The following B3GNT7 variants were observed in gnomAD, a reference collection of about 807,000 sequenced individuals.
B3GNT7 encodes UDP-GlcNAc:betaGal beta-1,3-N-acetylglucosaminyltransferase 7.
B3GNT7 carries 9 observed loss-of-function variants against 5.1 expected under a neutral mutation model. The ratio of observed to expected loss-of-function variants is 1.77; its 90% CI spans 1.07 to 3.09. B3GNT7 has a LOEUF of 3.09. Ranked by LOEUF, B3GNT7 falls within the 30% of genes most tolerant of loss-of-function variation. The pLI is 0.00. For missense variants in B3GNT7, 468 were observed against 550.8 expected (o/e 0.85, Z 1.50); for synonymous variants, 253 against 248.6 (o/e 1.02, Z -0.17).
In B3GNT7 at chr2:231,399,210, C is replaced by G. The variant is rs1351809416; in HGVS notation, c.*285C>G. ...CCTGGCAGCCCTCCTGACCTGGGTC[C>G]GTTGCTGGCCCCCTCAGATGTGGTG... On this transcript the variant is annotated 3_prime_UTR_variant, in exon 2 of 2. Transcript: ENST00000287590. 2 of 459,964 alleles carry G rather than the reference C, an allele frequency of 4.3e-6. No individual in the cohort carries two copies. Among genetic ancestry groups the G allele is most frequent in the East Asian group, 7.6e-5 (2 of 26,342 alleles). 28.5% of individuals were successfully genotyped at this position (459,964 alleles called of 1,614,324 possible).
rs1047182725 is a variant in B3GNT7, at chr2:231,400,480, C to G, written c.*1555C>G. 5.9e-5 allele frequency: 9 copies of G among 152,244 alleles called. No individual in the cohort carries two copies. The highest frequency in any genetic ancestry group is 2.2e-4 in the African/African-American group (9 of 41,426). 9.4% of individuals were successfully genotyped at this position (152,244 alleles called of 1,614,324 possible). On this transcript the variant is annotated 3_prime_UTR_variant, in exon 2 of 2. Transcript: ENST00000287590. ...TCGGCCGTACAGAGGCCGGTGGGCT[C>G]CCTGACATCCCTTCCAGGCAACCTG...
intron 1 of B3GNT7, among the ~76,000 whole-genome samples, chr2:231,396,900 G>T (rs894002270): frequency 1.3e-5 from 2 of 152,226 alleles, no homozygotes; most frequent in South Asian, 2.1e-4. Flanking sequence ...GGGGTGGGGG[G>T]GTCTCTGGGC....
Position 231,399,009 on chromosome 2 carries a change from T to C in B3GNT7, c.*84T>C. On this transcript the variant is annotated 3_prime_UTR_variant, in exon 2 of 2. Transcript: ENST00000287590. ...GGGCTGGAGCCACAGTGCCCAGGCC[T>C]AGCCTTTGGTCCCCAAGGGGAGGTG... The C allele has an allele frequency of 1.6e-6, 2 of 1,246,082 alleles. No homozygotes were observed. Among genetic ancestry groups the C allele is most frequent in the Non-Finnish European group, 2.2e-6 (2 of 921,102 alleles). 77.2% of individuals were successfully genotyped at this position (1,246,082 alleles called of 1,614,324 possible).
rs554164344 is a variant in B3GNT7, at chr2:231,400,315, C to G, written c.*1390C>G. Reference sequence around the variant, plus strand: ...GTACGGCAACAGAAAAACCTGGGAGCTAGCAATGCACCCAGCCCTTGACTG... The same window carrying G: ...GTACGGCAACAGAAAAACCTGGGAGGTAGCAATGCACCCAGCCCTTGACTG... On this transcript the variant is annotated 3_prime_UTR_variant, in exon 2 of 2. Transcript: ENST00000287590. 6.6e-6 allele frequency: 1 copy of G among 152,282 alleles called. No individual in the cohort carries two copies. The highest frequency in any genetic ancestry group is 1.5e-5 in the Non-Finnish European group (1 of 68,090). 9.4% of individuals were successfully genotyped at this position (152,282 alleles called of 1,614,324 possible). A position where few individuals can be genotyped will look rare whatever the true frequency, so the allele number is the denominator to read the frequency against.
rs1016920343 is a variant in B3GNT7, at chr2:231,401,020, C to G, written c.*2095C>G. On this transcript the variant is annotated 3_prime_UTR_variant, in exon 2 of 2. Coordinates refer to ENST00000287590, the MANE Select transcript of B3GNT7 (RefSeq NM_145236.3). Reference sequence around the variant, plus strand: ...CCCCCAGTCACGTTCCTCACGCTTACTTGATCTATTATGACCCTTTCACGT... The same window carrying G: ...CCCCCAGTCACGTTCCTCACGCTTAGTTGATCTATTATGACCCTTTCACGT... 1.3e-5 allele frequency: 2 copies of G among 152,206 alleles called. No individual in the cohort carries two copies. The highest frequency in any genetic ancestry group is 2.9e-5 in the Non-Finnish European group (2 of 68,046). The allele number at this position is 152,206 out of a possible 1,614,324, so 9.4% of individuals were successfully genotyped here. A position where few individuals can be genotyped will look rare whatever the true frequency, so the allele number is the denominator to read the frequency against.
At chr2:231,397,536 G>A (rs914325756) in intron 1 of B3GNT7, among the ~76,000 whole-genome samples, 195 bp from the exon 2 acceptor site, 1 of 152,090 alleles carries the variant, frequency 6.6e-6, no homozygotes, top group Non-Finnish European at 1.5e-5. Flanking sequence ...TTGAGGAGAG[G>A]GCAGGGTGGG....
Position 231,398,734 on chromosome 2 carries a change from G to A in B3GNT7, c.1015G>A (p.Val339Met), listed in dbSNP as rs1291689277. 3.1e-6 allele frequency: 5 copies of A among 1,611,014 alleles called. No homozygotes were observed. Among genetic ancestry groups the A allele is most frequent in the African/African-American group, 1.3e-5 (1 of 74,940 alleles). Residue 339 changes from valine to methionine, a missense_variant, in exon 2 of 2, where the codon GTG (valine) becomes ATG (methionine). Val to Met is a conservative substitution (Grantham distance 21). Coordinates refer to ENST00000287590, the MANE Select transcript of B3GNT7 (RefSeq NM_145236.3). The stretch of plus-strand genomic sequence containing the variant: ...GGGCATGTGCCTGGAGGTGCTGGGC[G>A]TGCAGCCCACGGCCCACGAGGGCTT... ...FLGMCLEVLG[V>M]QPTAHEGFKT... is the part of the protein sequence containing the mutation.
At chr2:231,396,962 T>C (rs2046521044) in intron 1 of B3GNT7, among the ~76,000 whole-genome samples, 1 of 151,762 alleles carries the variant, frequency 6.6e-6, no homozygotes, top group African/African-American at 2.4e-5. Flanking sequence ...TCCCAGGGAG[T>C]AGAGCTGTAG....
At position 231,395,856 on chromosome 2, in the gene B3GNT7, TGGGCC is replaced by T; in HGVS notation, c.11+43_11+47del. On this transcript the variant is annotated intron_variant, in intron 1 of 1. Transcript: ENST00000287590. This position sits in a 1 kb window ranked among gnomAD's most constrained non-coding sequence, Gnocchi z 7.3. ...GCCGTCGGGGGCCTGGGCGGGGGCGTGGGCCCGGGGCTCCCCCTCCTCCGTGGCCA... is the reference window on the plus strand; with the variant it reads ...GCCGTCGGGGGCCTGGGCGGGGGCGTCGGGGCTCCCCCTCCTCCGTGGCCA... 2.7e-6 allele frequency: 3 copies of T among 1,124,566 alleles called. No individual in the cohort carries two copies. The highest frequency in any genetic ancestry group is 3.3e-6 in the Non-Finnish European group (3 of 911,576). The allele number at this position is 1,124,566 out of a possible 1,614,324, so 69.7% of individuals were successfully genotyped here.
At position 231,400,517 on chromosome 2, in the gene B3GNT7, A is replaced by G. The variant is rs1453197888; in HGVS notation, c.*1592A>G. 1 of 152,324 alleles carries G rather than the reference A, an allele frequency of 6.6e-6. No homozygotes were observed. Among genetic ancestry groups the G allele is most frequent in the Non-Finnish European group, 1.5e-5 (1 of 68,112 alleles). 9.4% of individuals were successfully genotyped at this position (152,324 alleles called of 1,614,324 possible). On this transcript the variant is annotated 3_prime_UTR_variant, in exon 2 of 2. Coordinates refer to ENST00000287590, the MANE Select transcript of B3GNT7 (RefSeq NM_145236.3). ...TTCCAGGCAACCTGAAAGCACTGAAATAGCTTATGGCCCTGTGCCAGGGAC... is the reference window on the plus strand; with the variant it reads ...TTCCAGGCAACCTGAAAGCACTGAAGTAGCTTATGGCCCTGTGCCAGGGAC...
At position 231,395,843 on chromosome 2, in the gene B3GNT7, CTGGGCGGGGGCG is replaced by C. The variant is rs1378067502; in HGVS notation, c.11+35_11+46del. Reference sequence around the variant, plus strand: ...AGTGGGGCTGGGGGCCGTCGGGGGCCTGGGCGGGGGCGTGGGCCCGGGGCTCCCCCTCCTCCG... The same window carrying C: ...AGTGGGGCTGGGGGCCGTCGGGGGCCTGGGCCCGGGGCTCCCCCTCCTCCG... On this transcript the variant is annotated intron_variant, in intron 1 of 1. Coordinates refer to ENST00000287590, the MANE Select transcript of B3GNT7 (RefSeq NM_145236.3). This position sits in a 1 kb window ranked among gnomAD's most constrained non-coding sequence, Gnocchi z 7.3. 22 of 1,155,380 alleles carry C rather than the reference CTGGGCGGGGGCG, an allele frequency of 1.9e-5. No individual in the cohort carries two copies. Among genetic ancestry groups the C allele is most frequent in the African/African-American group, 3.3e-5 (2 of 61,282 alleles). The allele number at this position is 1,155,380 out of a possible 1,614,324, so 71.6% of individuals were successfully genotyped here. A position where few individuals can be genotyped will look rare whatever the true frequency, so the allele number is the denominator to read the frequency against.
rs759849051 is a variant in B3GNT7, at chr2:231,398,280, G to A, written c.561G>A (p.Thr187=). 8.7e-6 allele frequency: 14 copies of A among 1,612,836 alleles called. No individual in the cohort carries two copies. The highest frequency in any genetic ancestry group is 6.7e-5 in the African/African-American group (5 of 74,936). ...LGTASKQEER[T]HYQQLLAYED... is the part of the protein sequence containing the mutation. Reference sequence around the variant, plus strand: ...CGGCCTCCAAGCAGGAGGAGCGCACGCACTACCAGCAGCTGCTGGCCTACG... The same window carrying A: ...CGGCCTCCAAGCAGGAGGAGCGCACACACTACCAGCAGCTGCTGGCCTACG... Residue 187 remains threonine (T), a synonymous_variant, in exon 2 of 2, where the codon ACG becomes ACA. Transcript: ENST00000287590.
rs1318581169 is a variant in B3GNT7, at chr2:231,395,917, G to C, written c.11+103G>C. ...GGGCGCCGGGACTCCCGGGATAGGA[G>C]ATGCCCCCGCGCGCGCCGCGCCGGC... On this transcript the variant is annotated intron_variant, in intron 1 of 1. Coordinates refer to ENST00000287590, the MANE Select transcript of B3GNT7 (RefSeq NM_145236.3). The surrounding 1 kb of genome is among the most constrained non-coding windows in gnomAD (Gnocchi z 7.3). 1 of 794,996 alleles carries C rather than the reference G, an allele frequency of 1.3e-6. No individual in the cohort carries two copies. The highest frequency in any genetic ancestry group is 1.6e-6 in the Non-Finnish European group (1 of 618,520). 49.2% of individuals were successfully genotyped at this position (794,996 alleles called of 1,614,324 possible). A position where few individuals can be genotyped will look rare whatever the true frequency, so the allele number is the denominator to read the frequency against.
At position 231,398,644 on chromosome 2, in the gene B3GNT7, C is replaced by A; in HGVS notation, c.925C>A (p.Leu309Met). 6.2e-7 allele frequency: 1 copy of A among 1,612,034 alleles called. No homozygotes were observed. The highest frequency in any genetic ancestry group is 8.5e-7 in the Non-Finnish European group (1 of 1,179,580). ...GGGGFLMAGSLARRLHHACDT... is the reference protein window; with the variant it reads ...GGGGFLMAGSMARRLHHACDT... ...CGGTGGCTTCCTCATGGCCGGCAGC[C>A]TGGCCCGGCGCCTGCACCATGCCTG... Residue 309 changes from leucine (L) to methionine (M), a missense_variant, in exon 2 of 2, where the codon CTG becomes ATG. Physicochemically the swap from Leu to Met is conservative, Grantham distance 15. Coordinates refer to ENST00000287590, the MANE Select transcript of B3GNT7 (RefSeq NM_145236.3).
chr2:231,396,340 C>T (rs1017902607), intron 1 of B3GNT7, among the ~76,000 whole-genome samples: 28 of 152,156 alleles, frequency 1.8e-4, no homozygotes, highest in Non-Finnish European at 3.5e-4. Context: ...CCCCCGACCT[C>T]CCCCGTCCCG....
At position 231,401,106 on chromosome 2, in the gene B3GNT7, C is replaced by G. The variant is rs1401117241; in HGVS notation, c.*2181C>G. 6.6e-6 allele frequency: 1 copy of G among 152,226 alleles called. No individual in the cohort carries two copies. Among genetic ancestry groups the G allele is most frequent in the African/African-American group, 2.4e-5 (1 of 41,456 alleles). The allele number at this position is 152,226 out of a possible 1,614,324, so 9.4% of individuals were successfully genotyped here. A position where few individuals can be genotyped will look rare whatever the true frequency, so the allele number is the denominator to read the frequency against. On this transcript the variant is annotated 3_prime_UTR_variant, in exon 2 of 2. Coordinates refer to ENST00000287590, the MANE Select transcript of B3GNT7 (RefSeq NM_145236.3). Reference sequence around the variant, plus strand: ...GGAATTTCTTTTTCGGGGAGCTCGGCTCTTAAGACGCGAGTCTGCCGACGC... The same window carrying G: ...GGAATTTCTTTTTCGGGGAGCTCGGGTCTTAAGACGCGAGTCTGCCGACGC...
At chr2:231,396,466 G>T (rs2046515194) in intron 1 of B3GNT7, among the ~76,000 whole-genome samples, 1 of 152,176 alleles carries the variant, frequency 6.6e-6, no homozygotes, top group East Asian at 1.9e-4. Flanking sequence ...TGCACCTAAG[G>T]TGCCCCTGTC....
rs772860715 is a variant in B3GNT7 at position 231,398,040 on chromosome 2, G to A, written c.321G>A (p.Gln107=). The stretch of plus-strand genomic sequence containing the variant: ...CCTGGTTCCAGGTCCTGGAGCCGCA[G>A]TTCCGGCAGTTTCTCTTCTACCGCC... ...HQPWFQVLEP[Q]FRQFLFYRHC... The change falls in exon 2 of 2, where the codon CAG becomes CAA. Residue 107 remains glutamine (Q), a synonymous_variant. Coordinates refer to ENST00000287590, the MANE Select transcript of B3GNT7 (RefSeq NM_145236.3). The A allele has an allele frequency of 6.2e-7, 1 of 1,610,106 alleles. No individual in the cohort carries two copies. The highest frequency in any genetic ancestry group is 2.2e-5 in the East Asian group (1 of 44,888).
intron 1 of B3GNT7, among the ~76,000 whole-genome samples, chr2:231,396,460 C>A (rs1392540316): frequency 6.6e-6 from 1 of 152,222 alleles, no homozygotes. Flanking sequence ...CCAGCCTGCA[C>A]CTAAGGTGCC....
Sources: gnomAD v4.1 joint callset for allele counts (sites outside exome capture counted in the v4.1 genomes callset) on GRCh38, gnomAD v4.1.1 for gene constraint, Gnocchi (gnomAD v3.1) non-coding constraint, MANE v1.5 for transcripts, NCBI Gene and HGNC (gene_info 2026-07-23, HGNC 2026-07-21) for gene names.